MEIKIN: variants seen among roughly 807,000 people sequenced by gnomAD.
MEIKIN encodes the protein meiosis-specific kinetochore protein.
intron 11 of MEIKIN, among the ~76,000 whole-genome samples, chr5:131,825,359 A>G (rs1244526813): frequency 6.6e-6 from 1 of 152,232 alleles, no homozygotes; most frequent in Non-Finnish European, 1.5e-5. Flanking sequence ...CATAGGATTC[A>G]GAAAAGCTGT....
rs78958898 is a variant in MEIKIN, at chr5:131,944,476, G to A, written c.288+189C>T. 1,828 of 386,538 alleles carry A rather than the reference G, an allele frequency of 4.7e-3. 25 individuals are homozygous for A. The highest frequency in any genetic ancestry group is 0.034 in the African/African-American group (1,657 of 48,494). 23.9% of individuals were successfully genotyped at this position (386,538 alleles called of 1,614,324 possible). A position where few individuals can be genotyped will look rare whatever the true frequency, so the allele number is the denominator to read the frequency against. ...GAGAAAGAGAAAAACAAAAATGCAT[G>A]ACTATGAATCTACCCAAGTCAGAAA... On this transcript the variant is annotated intron_variant, in intron 3 of 12. Transcript: ENST00000442687.
rs1749586032 is a variant in MEIKIN at position 131,824,947 on chromosome 5, A to T, written c.976-6084T>A. Among the ~76,000 whole-genome samples the T allele has an allele frequency of 2.0e-5, 3 of 152,130 alleles. No homozygotes were observed. In the South Asian group the frequency reaches 6.2e-4, roughly 32 times the overall value. On this transcript the variant is annotated intron_variant, in intron 11 of 12. Transcript: ENST00000442687. Reference sequence around the variant, plus strand: ...ACACCTGTAAACCCAGTACTTTGAGAGGCTGAGGTGAGAGGATCACTTGAG... The same window carrying T: ...ACACCTGTAAACCCAGTACTTTGAGTGGCTGAGGTGAGAGGATCACTTGAG...
At chr5:131,902,181 C>T (rs1336382914) in intron 8 of MEIKIN, among the ~76,000 whole-genome samples, 1 of 152,146 alleles carries the variant, frequency 6.6e-6, no homozygotes, top group African/African-American at 2.4e-5. Context: ...GCTTGCAATC[C>T]CAGAACTTTG....
At chr5:131,812,606 T>C (rs1475121385) in intron 12 of MEIKIN, among the ~76,000 whole-genome samples, 1 of 152,170 alleles carries the variant, frequency 6.6e-6, no homozygotes, top group Non-Finnish European at 1.5e-5. Context: ...ATATTTCTCA[T>C]TTAGGTGTGC....
intron 8 of MEIKIN, among the ~76,000 whole-genome samples, chr5:131,879,567 C>T (rs1750671266): frequency 6.6e-6 from 1 of 152,196 alleles, no homozygotes; most frequent in Admixed American, 6.5e-5. Flanking sequence ...TTCCTTGTAC[C>T]TCATATCCAC....
rs536625941 is a variant in MEIKIN at position 131,912,121 on chromosome 5, G to T, written c.639-242C>A. On this transcript the variant is annotated intron_variant, in intron 7 of 12. Coordinates refer to ENST00000442687, the MANE Select transcript of MEIKIN (RefSeq NM_001303622.2). ...CGTAGAGGACAGGGCATAGTGTTTAGAATAAGACAGACCTTGCTTTAAACT... is the reference window on the plus strand; with the variant it reads ...CGTAGAGGACAGGGCATAGTGTTTATAATAAGACAGACCTTGCTTTAAACT... 1.4e-4 allele frequency among the ~76,000 whole-genome samples: 21 copies of T among 152,120 alleles called. 1 individual carries two copies. Among genetic ancestry groups the T allele is most frequent in the Middle Eastern group, 6.8e-3 (2 of 294 alleles).
intron 11 of MEIKIN, among the ~76,000 whole-genome samples, chr5:131,850,963 A>G (rs1561732434): frequency 1.3e-5 from 2 of 152,150 alleles, no homozygotes; most frequent in South Asian, 4.2e-4. Flanking sequence ...AAGAAAGAAA[A>G]GAAAAGAAAA....
At chr5:131,863,557 C>CTTTTTTTTTTTTTTTTTTTTTT (rs59435888) in intron 9 of MEIKIN, among the ~76,000 whole-genome samples, 6 of 68,434 alleles carry the variant, frequency 8.8e-5, no homozygotes, top group Non-Finnish European at 9.6e-5. Flanking sequence ...CTTCTTTGTC[C>CTTTTTTTTTTTTTTTTTTTTTT]TTTTTTTTTT....
chr5:131,870,660 G>A (rs1253096623), intron 9 of MEIKIN, among the ~76,000 whole-genome samples: 8 of 151,966 alleles, frequency 5.3e-5, no homozygotes, highest in Non-Finnish European at 1.2e-4. Flanking sequence ...TGCTCAAAAC[G>A]GAAACCCAGA....
intron 8 of MEIKIN, among the ~76,000 whole-genome samples, chr5:131,887,263 G>C (rs180690646): frequency 1.9e-3 from 284 of 152,176 alleles, no homozygotes; most frequent in Non-Finnish European, 2.5e-3. Context: ...CCAAGTCTTT[G>C]CTATTGTGAA....
chr5:131,934,574 C>G (rs1751743406), intron 4 of MEIKIN, among the ~76,000 whole-genome samples: 1 of 152,100 alleles, frequency 6.6e-6, no homozygotes, highest in Non-Finnish European at 1.5e-5. Context: ...GAAATTAACT[C>G]TAAATGCATC....
chr5:131,875,574 G>A (rs1035053852), intron 9 of MEIKIN, among the ~76,000 whole-genome samples: 4 of 152,018 alleles, frequency 2.6e-5, no homozygotes, highest in African/African-American at 7.2e-5. Flanking sequence ...ACTGCCCCAG[G>A]TAATTTATAG....
intron 8 of MEIKIN, among the ~76,000 whole-genome samples, chr5:131,880,073 C>T (rs1750679362): frequency 6.6e-6 from 1 of 151,756 alleles, no homozygotes; most frequent in South Asian, 2.1e-4. Flanking sequence ...GCACACACCA[C>T]CACGCCCAGC....
chr5:131,940,142 C>T (rs944294737), intron 4 of MEIKIN, among the ~76,000 whole-genome samples: 3 of 152,114 alleles, frequency 2.0e-5, no homozygotes, highest in Admixed American at 2.0e-4. Context: ...CACAGAACTA[C>T]CAGGGTAGAA....
intron 4 of MEIKIN, among the ~76,000 whole-genome samples, chr5:131,938,408 T>C (rs905932594): frequency 1.3e-5 from 2 of 152,048 alleles, no homozygotes; most frequent in African/African-American, 4.8e-5. Flanking sequence ...GCTCAGGCAA[T>C]CCACCCGCCT....
In MEIKIN at chr5:131,921,776, C is replaced by T. The variant is rs185168605; in HGVS notation, c.598+46G>A. On this transcript the variant is annotated intron_variant, in intron 6 of 12. Coordinates refer to ENST00000442687, the MANE Select transcript of MEIKIN (RefSeq NM_001303622.2). ...ATCATTCAAGAGAAAAAATACTTTG[C>T]TTTTCCAACATAGATGAGAAATGTT... 2.5e-3 allele frequency: 997 copies of T among 398,686 alleles called. 2 individuals are homozygous for T. The highest frequency in any genetic ancestry group is 7.0e-3 in the South Asian group (55 of 7,832). The allele number at this position is 398,686 out of a possible 1,614,324, so 24.7% of individuals were successfully genotyped here.
intron 6 of MEIKIN, among the ~76,000 whole-genome samples, chr5:131,918,357 A>G (rs1021131108): frequency 2.6e-5 from 4 of 152,198 alleles, no homozygotes; most frequent in South Asian, 2.1e-4. Context: ...GACATTTGCA[A>G]TGGACAAGAA....
At chr5:131,826,612 A>C (rs940365374) in intron 11 of MEIKIN, among the ~76,000 whole-genome samples, 9 of 152,208 alleles carry the variant, frequency 5.9e-5, no homozygotes, top group African/African-American at 2.2e-4. Context: ...CTAAATTATA[A>C]TCCCATGTTG....
intron 9 of MEIKIN, among the ~76,000 whole-genome samples, chr5:131,863,481 G>A (rs1273049964): frequency 1.3e-5 from 2 of 149,568 alleles, no homozygotes; most frequent in African/African-American, 4.9e-5. Context: ...AGCATTGTTG[G>A]GTGCATATGT....
Sources: allele counts gnomAD v4.1 joint callset (sites outside exome capture counted in the v4.1 genomes callset), GRCh38; gene constraint gnomAD v4.1.1; transcripts MANE v1.5; gene names NCBI Gene and HGNC (gene_info 2026-07-23, HGNC 2026-07-21).